DPYD: variants seen among roughly 807,000 people sequenced by gnomAD.
The protein encoded by DPYD is dihydropyrimidine dehydrogenase.
A neutral mutation model predicts 116.2 loss-of-function variants in DPYD; 109 were observed. That is an observed-to-expected ratio of 0.94 (90% CI 0.80 to 1.10). The LOEUF (loss-of-function observed/expected upper bound fraction) is 1.10. DPYD is among the 50% of genes least tolerant of loss of function. The pLI is 0.00. For missense variants in DPYD, 1,302 were observed against 1,254.5 expected (o/e 1.04, Z -0.57); for synonymous variants, 440 against 432.0 (o/e 1.02, Z -0.23).
At chr1:97,158,021 G>A (rs1456204065) in intron 20 of DPYD, among the ~76,000 whole-genome samples, 1 of 152,004 alleles carries the variant, frequency 6.6e-6, no homozygotes, top group African/African-American at 2.4e-5. Flanking sequence ...TGAAGTACTG[G>A]GTGCTTAAAA....
chr1:97,195,640 A>G (rs181222280), intron 19 of DPYD, among the ~76,000 whole-genome samples: 620 of 3,772 alleles, frequency 0.16, 13 homozygotes, highest in East Asian at 0.4. Context: ...ATGTGTATAT[A>G]TATATATATA....
intron 20 of DPYD, among the ~76,000 whole-genome samples, chr1:97,103,352 A>C (rs914690521): frequency 1.3e-5 from 2 of 152,138 alleles, no homozygotes; most frequent in Admixed American, 1.3e-4. Context: ...AGTGGCATGT[A>C]ATGCTTAATC....
At chr1:97,711,409 C>T (rs143705846) in intron 5 of DPYD, among the ~76,000 whole-genome samples, 20 of 152,010 alleles carry the variant, frequency 1.3e-4, no homozygotes, top group Admixed American at 1.1e-3. Flanking sequence ...TGTAATTTAT[C>T]GCATACAGTA....
chr1:97,906,389 G>C (rs996433016), intron 1 of DPYD, among the ~76,000 whole-genome samples: 6 of 151,928 alleles, frequency 3.9e-5, no homozygotes, highest in Admixed American at 1.3e-4. Flanking sequence ...TTTCTGTCTT[G>C]ATATATAATT....
At chr1:97,538,743 G>T (rs1369989501) in intron 12 of DPYD, among the ~76,000 whole-genome samples, 1 of 152,158 alleles carries the variant, frequency 6.6e-6, no homozygotes, top group Non-Finnish European at 1.5e-5. Context: ...AAACACTGCA[G>T]AGAAACTGAA....
intron 20 of DPYD, among the ~76,000 whole-genome samples, chr1:97,129,158 A>G (rs1470781138): frequency 4.0e-5 from 6 of 150,306 alleles, no homozygotes; most frequent in African/African-American, 1.2e-4. Flanking sequence ...TCCACCTCCC[A>G]GTTCAAGAGA....
At chr1:97,542,406 A>G (rs1425323172) in intron 12 of DPYD, among the ~76,000 whole-genome samples, 1 of 152,210 alleles carries the variant, frequency 6.6e-6, no homozygotes, top group Admixed American at 6.5e-5. Context: ...GATTTCAGCC[A>G]GCTTGTACCC....
chr1:97,747,362 G>A (rs2101087423), intron 3 of DPYD, among the ~76,000 whole-genome samples: 1 of 152,246 alleles, frequency 6.6e-6, no homozygotes. Flanking sequence ...AAGAAAACCA[G>A]AGAATACCAT....
intron 17 of DPYD, 21 bp from the exon 18 acceptor site, chr1:97,305,399 T>G (rs1392250855): frequency 6.2e-7 from 1 of 1,611,730 alleles, no homozygotes; most frequent in African/African-American, 1.3e-5. Context: ...CACATCAACA[T>G]TTTCATGCAG....
chr1:97,560,207 AGT>A (rs1257583177), intron 11 of DPYD, among the ~76,000 whole-genome samples: 1 of 152,218 alleles, frequency 6.6e-6, no homozygotes, highest in Non-Finnish European at 1.5e-5. Context: ...TTATTTTTAA[AGT>A]GTCAGCAAGC....
At chr1:97,706,872 G>A (rs1420677697) in intron 5 of DPYD, among the ~76,000 whole-genome samples, 2 of 152,036 alleles carry the variant, frequency 1.3e-5, no homozygotes, top group Admixed American at 1.3e-4. Context: ...GGGGTAAATT[G>A]CCAGATCATA....
chr1:97,811,791 C>A (rs1253446334), intron 3 of DPYD, among the ~76,000 whole-genome samples: 1 of 152,090 alleles, frequency 6.6e-6, no homozygotes, highest in East Asian at 1.9e-4. Flanking sequence ...TGATAGTGCA[C>A]TGTAACTCTT....
At chr1:97,335,593 G>C (rs1016670412) in intron 16 of DPYD, among the ~76,000 whole-genome samples, 3 of 152,142 alleles carry the variant, frequency 2.0e-5, no homozygotes, top group African/African-American at 7.2e-5. Flanking sequence ...ATAATCATCA[G>C]GCATTATTTG....
chr1:97,654,906 G>T (rs1291508744), intron 8 of DPYD, among the ~76,000 whole-genome samples: 1 of 152,090 alleles, frequency 6.6e-6, no homozygotes, highest in Admixed American at 6.6e-5. Flanking sequence ...GTCTTACATG[G>T]TGGTGGCAAG....
intron 19 of DPYD, among the ~76,000 whole-genome samples, chr1:97,222,022 T>A (rs1174882141): frequency 2.0e-5 from 3 of 152,012 alleles, no homozygotes; most frequent in Non-Finnish European, 4.4e-5. Context: ...GTGACACTGA[T>A]AAACCAGAAA....
intron 14 of DPYD, among the ~76,000 whole-genome samples, chr1:97,413,250 C>T (rs1433069261): frequency 6.6e-6 from 1 of 152,148 alleles, no homozygotes; most frequent in Non-Finnish European, 1.5e-5. Context: ...TTTCTCTGCT[C>T]AGTGAGGGAC....
intron 19 of DPYD, among the ~76,000 whole-genome samples, chr1:97,211,773 C>CT (rs11408866): frequency 0.01 from 1,578 of 152,184 alleles, 23 homozygotes; most frequent in African/African-American, 0.036. Context: ...ATTAGGCAGA[C>CT]TTATTTAAAC....
chr1:97,249,107 A>G (rs576806942), intron 18 of DPYD, among the ~76,000 whole-genome samples: 3 of 152,354 alleles, frequency 2.0e-5, no homozygotes, highest in African/African-American at 7.2e-5. Flanking sequence ...GATTCTTAAC[A>G]TTATTTAAAA....
At chr1:97,632,841 C>T (rs913879836) in intron 8 of DPYD, among the ~76,000 whole-genome samples, 11 of 151,976 alleles carry the variant, frequency 7.2e-5, no homozygotes, top group South Asian at 2.1e-4. Context: ...TTTTAAAAGA[C>T]GAAAATTAGA....
Sources: allele counts gnomAD v4.1 joint callset (sites outside exome capture counted in the v4.1 genomes callset), GRCh38; gene constraint gnomAD v4.1.1; transcripts MANE v1.5; gene names NCBI Gene and HGNC (gene_info 2026-07-23, HGNC 2026-07-21).